The following MYO16 variants were observed in gnomAD, a reference collection of about 807,000 sequenced individuals.
The protein encoded by MYO16 is myosin XVI.
MYO16 carries 94 observed loss-of-function variants against 205.3 expected under a neutral mutation model. The observed-to-expected ratio is 0.46, with a 90% CI of 0.39 to 0.54. The LOEUF (loss-of-function observed/expected upper bound fraction) is 0.54, where lower values mean the gene tolerates loss of function less well. Ranked by LOEUF, MYO16 falls within the 20% of genes least tolerant of loss-of-function variation. The pLI is 0.00. For synonymous variants in MYO16, 988 were observed against 954.0 expected (o/e 1.04, Z -0.66); for missense variants, 2,315 against 2,387.5 (o/e 0.97, Z 0.63).
chr13:108,777,763 G>A (rs1010957299), intron 4 of MYO16, among the ~76,000 whole-genome samples: 2 of 152,150 alleles, frequency 1.3e-5, no homozygotes, highest in African/African-American at 4.8e-5. Context: ...TTCTGCCCTT[G>A]TTTGTCTAAT....
upstream of MYO16, among the ~76,000 whole-genome samples, chr13:108,628,258 A>T (rs1458554602): frequency 6.6e-6 from 1 of 152,220 alleles, no homozygotes; most frequent in Non-Finnish European, 1.5e-5. Flanking sequence ...GAATCAACGA[A>T]TAAATGAGGA....
chr13:109,120,638 G>A (rs1371168420), intron 29 of MYO16, among the ~76,000 whole-genome samples, 172 bp downstream of exon 29: 2 of 152,188 alleles, frequency 1.3e-5, no homozygotes, highest in African/African-American at 2.4e-5. Flanking sequence ...GAAGCATTGT[G>A]GCTTAGTTTG....
chr13:108,597,003 A>G (rs571218489), intron 1 of MYO16, among the ~76,000 whole-genome samples: 10 of 152,330 alleles, frequency 6.6e-5, no homozygotes, highest in African/African-American at 1.7e-4. Context: ...AAGTACGCTG[A>G]TTTGGTTTGT....
At chr13:109,033,903 A>G (rs7994901) in intron 23 of MYO16, among the ~76,000 whole-genome samples, 14,146 of 152,130 alleles carry the variant, frequency 0.093, 748 homozygotes, top group Middle Eastern at 0.11. Context: ...TAGGAGAGGA[A>G]GATAATTACC....
chr13:108,823,326 G>C, intron 9 of MYO16, 48 bp downstream of exon 9: 5 of 1,535,746 alleles, frequency 3.3e-6, no homozygotes, highest in Non-Finnish European at 4.4e-6. Context: ...TCTACCTGCT[G>C]GTCATTTTAG....
the MYO16 span, among the ~76,000 whole-genome samples, chr13:108,522,989 A>C: frequency 2.6e-5 from 4 of 151,992 alleles, no homozygotes; most frequent in African/African-American, 9.7e-5. Context: ...CCATAACAAA[A>C]AATGCCATAG....
intron 32 of MYO16, among the ~76,000 whole-genome samples, chr13:109,156,328 T>C (rs915802667): frequency 6.6e-6 from 1 of 152,248 alleles, no homozygotes; most frequent in African/African-American, 2.4e-5. Flanking sequence ...TCTGCATTTG[T>C]ACTTTTCCTT....
intron 7 of MYO16, among the ~76,000 whole-genome samples, chr13:108,817,400 T>C (rs1380538141): frequency 6.6e-6 from 1 of 151,296 alleles, no homozygotes; most frequent in African/African-American, 2.4e-5. Context: ...AAGAATATTA[T>C]ATTGGGCAAA....
chr13:109,068,896 A>G (rs1887840233), intron 27 of MYO16, among the ~76,000 whole-genome samples: 2 of 152,078 alleles, frequency 1.3e-5, no homozygotes, highest in Admixed American at 6.6e-5. Flanking sequence ...CAGCCCAGCA[A>G]TGTAAATTTT....
chr13:109,093,318 A>G (rs1167882466), intron 27 of MYO16, among the ~76,000 whole-genome samples: 2 of 152,204 alleles, frequency 1.3e-5, no homozygotes, highest in African/African-American at 4.8e-5. Context: ...GGGCATGAGC[A>G]TTCCGCACCA....
At chr13:108,761,010 C>CT (rs1244788925) in intron 4 of MYO16, among the ~76,000 whole-genome samples, 3 of 152,298 alleles carry the variant, frequency 2.0e-5, no homozygotes, top group South Asian at 2.1e-4. Context: ...AGGTTTCATT[C>CT]TTTTTTGTGG....
chr13:108,980,126 GTTTT>G (rs1884402835), intron 20 of MYO16, among the ~76,000 whole-genome samples: 1 of 152,020 alleles, frequency 6.6e-6, no homozygotes, highest in African/African-American at 2.4e-5. Context: ...AAACATTAGT[GTTTT>G]CTTTCTGTTA....
intron 27 of MYO16, among the ~76,000 whole-genome samples, chr13:109,074,659 A>G (rs1366845571): frequency 1.3e-5 from 2 of 152,152 alleles, no homozygotes; most frequent in African/African-American, 4.8e-5. Flanking sequence ...AGATCTCATG[A>G]AAACTCACCA....
intron 4 of MYO16, among the ~76,000 whole-genome samples, chr13:108,778,026 G>A (rs1594286260): frequency 6.6e-6 from 1 of 152,148 alleles, no homozygotes; most frequent in African/African-American, 2.4e-5. Flanking sequence ...CCTAGAGAAA[G>A]ATATATGTCA....
At chr13:109,079,458 T>C (rs988731215) in intron 27 of MYO16, among the ~76,000 whole-genome samples, 7 of 152,150 alleles carry the variant, frequency 4.6e-5, no homozygotes, top group African/African-American at 1.7e-4. Flanking sequence ...AATAATGTCC[T>C]TTGTGGCAAC....
the MYO16 span, among the ~76,000 whole-genome samples, chr13:108,517,842 C>T: frequency 6.6e-6 from 1 of 152,158 alleles, no homozygotes; most frequent in East Asian, 1.9e-4. Flanking sequence ...GAAAAGGCAC[C>T]AGCAGATTTG....
chr13:108,555,403 G>A, the MYO16 span, among the ~76,000 whole-genome samples: 1 of 152,214 alleles, frequency 6.6e-6, no homozygotes, highest in Non-Finnish European at 1.5e-5. Flanking sequence ...CATAAAGGTA[G>A]TAATTCAAGG....
At chr13:108,538,250 C>T in the MYO16 span, among the ~76,000 whole-genome samples, 12 of 151,878 alleles carry the variant, frequency 7.9e-5, no homozygotes, top group South Asian at 2.1e-4. Context: ...GGGATCAGAA[C>T]AAATAAGAAT....
At chr13:108,498,456 A>G in the MYO16 span, among the ~76,000 whole-genome samples, 1 of 152,096 alleles carries the variant, frequency 6.6e-6, no homozygotes, top group Admixed American at 6.5e-5. Context: ...TGGCCAGTGA[A>G]ACCTACCACA....
Sources: gnomAD v4.1 joint callset for allele counts (sites outside exome capture counted in the v4.1 genomes callset) on GRCh38, gnomAD v4.1.1 for gene constraint, MANE v1.5 for transcripts, NCBI Gene and HGNC (gene_info 2026-07-23, HGNC 2026-07-21) for gene names.